ASIC2: variants seen among roughly 807,000 people sequenced by gnomAD.
ASIC2 encodes acid-sensing ion channel 2.
In ASIC2, 25 loss-of-function variants were observed where a neutral mutation model predicts 57.3. The ratio of observed to expected loss-of-function variants is 0.44; its 90% CI spans 0.32 to 0.61. The LOEUF is 0.61. ASIC2 is among the 20% of genes least tolerant of loss of function. The probability of loss-of-function intolerance (pLI) is 0.06; values close to 1 mark genes in which losing one functional copy is unlikely to be tolerated. For missense variants in ASIC2, 641 were observed against 738.1 expected (o/e 0.87, Z 1.52); for synonymous variants, 319 against 307.5 (o/e 1.04, Z -0.39).
rs564982075 is a variant in ASIC2, at chr17:33,600,381, A to G, written c.556-488314T>C. ...TTCCTAGCTTCTAGAACCATGAGCCAGAGAAATTTCTGTTTATTATAAATT... is the reference window on the plus strand; with the variant it reads ...TTCCTAGCTTCTAGAACCATGAGCCGGAGAAATTTCTGTTTATTATAAATT... On this transcript the variant is annotated intron_variant, in intron 1 of 9. Coordinates refer to the ASIC2 transcript ENST00000359872. Among the ~76,000 whole-genome samples, 16 of 152,310 alleles carry G rather than the reference A, an allele frequency of 1.1e-4. No homozygotes were observed. In the South Asian group the frequency reaches 3.3e-3, roughly 32 times the overall value.
intron 1 of ASIC2, among the ~76,000 whole-genome samples, chr17:33,681,659 C>T (rs115321477): frequency 9.2e-5 from 14 of 152,332 alleles, no homozygotes; most frequent in African/African-American, 3.4e-4. Flanking sequence ...GTTACTCACG[C>T]CGTTCCTGCT....
At position 34,083,470 on chromosome 17, in the gene ASIC2, C is replaced by A. The variant is rs536801498; in HGVS notation, c.555+72508G>T. Among the ~76,000 whole-genome samples, 213 of 151,538 alleles carry A rather than the reference C, an allele frequency of 1.4e-3. 3 individuals are homozygous for A. Among genetic ancestry groups the A allele is most frequent in the African/African-American group, 4.4e-3 (181 of 41,250 alleles). On this transcript the variant is annotated intron_variant, in intron 1 of 9. Coordinates refer to the ASIC2 transcript ENST00000359872. ...CAAGTCTTTGCTATTGTGAATAGTG[C>A]CACAATAAACATACGTGTGCATGTG...
intron 1 of ASIC2, among the ~76,000 whole-genome samples, chr17:33,461,973 G>A (rs1912652318): frequency 1.3e-5 from 2 of 152,204 alleles, no homozygotes; most frequent in African/African-American, 4.8e-5. Flanking sequence ...ACTGTGTCAG[G>A]CACTGGGGAT....
chr17:33,815,221 A>G (rs943556784), intron 1 of ASIC2, among the ~76,000 whole-genome samples: 2 of 152,208 alleles, frequency 1.3e-5, no homozygotes, highest in African/African-American at 2.4e-5. Flanking sequence ...GCCACCTCAC[A>G]TAGGCTCCGT....
At chr17:33,900,566 T>A (rs554529425) in intron 1 of ASIC2, among the ~76,000 whole-genome samples, 16 of 152,178 alleles carry the variant, frequency 1.1e-4, no homozygotes, top group Middle Eastern at 3.4e-3. Flanking sequence ...TAAAAAAAAA[T>A]TTTTTAATCT....
chr17:33,822,033 T>C (rs1701299684), intron 1 of ASIC2, among the ~76,000 whole-genome samples: 1 of 152,206 alleles, frequency 6.6e-6, no homozygotes, highest in Non-Finnish European at 1.5e-5. Context: ...GACCACTTAC[T>C]ACCTATGTGT....
intron 1 of ASIC2, among the ~76,000 whole-genome samples, chr17:33,853,068 C>T (rs185107973): frequency 1.0e-3 from 158 of 152,318 alleles, no homozygotes; most frequent in Admixed American, 4.2e-3. Flanking sequence ...GTGAGTTGTG[C>T]ACAATTTTGG....
At chr17:33,424,755 C>A (rs143519579) in intron 1 of ASIC2, among the ~76,000 whole-genome samples, 196 of 152,298 alleles carry the variant, frequency 1.3e-3, no homozygotes, top group African/African-American at 4.4e-3. Flanking sequence ...CCTGCCCTTA[C>A]TAGCCCTTCT....
chr17:33,600,698 T>G (rs896773580), intron 1 of ASIC2, among the ~76,000 whole-genome samples: 3 of 152,110 alleles, frequency 2.0e-5, no homozygotes, highest in African/African-American at 7.2e-5. Context: ...ATGCTTAGTG[T>G]TCCAATAATG....
intron 1 of ASIC2, among the ~76,000 whole-genome samples, chr17:33,979,781 C>T (rs767889578): frequency 4.6e-5 from 7 of 152,210 alleles, no homozygotes; most frequent in African/African-American, 1.7e-4. Flanking sequence ...CCTTGACCTA[C>T]AAGGTCTAAA....
At chr17:33,711,655 C>T (rs974346071) in intron 1 of ASIC2, among the ~76,000 whole-genome samples, 12 of 152,244 alleles carry the variant, frequency 7.9e-5, no homozygotes, top group East Asian at 7.7e-4. Context: ...AAAGCAAGCA[C>T]GTCTTATCAC....
intron 1 of ASIC2, among the ~76,000 whole-genome samples, chr17:34,083,291 C>A (rs911610621): frequency 3.3e-5 from 5 of 151,294 alleles, no homozygotes; most frequent in Non-Finnish European, 7.4e-5. Context: ...TTTGTTCTTG[C>A]GATAGTTTAC....
intron 1 of ASIC2, among the ~76,000 whole-genome samples, chr17:33,486,228 T>C (rs1913571326): frequency 6.6e-6 from 1 of 152,234 alleles, no homozygotes; most frequent in South Asian, 2.1e-4. Context: ...GGTAGTGTTT[T>C]CATGGCTTTG....
At chr17:33,365,470 T>C (rs900040764) in intron 1 of ASIC2, among the ~76,000 whole-genome samples, 4 of 152,178 alleles carry the variant, frequency 2.6e-5, no homozygotes, top group Non-Finnish European at 5.9e-5. Flanking sequence ...TGGATAAATC[T>C]CACTTTAGAA....
intron 1 of ASIC2, among the ~76,000 whole-genome samples, chr17:33,397,566 G>T (rs1910124343): frequency 6.6e-6 from 1 of 152,104 alleles, no homozygotes; most frequent in Non-Finnish European, 1.5e-5. Flanking sequence ...ACATGTGAGG[G>T]GAGAGAAGCT....
intron 1 of ASIC2, among the ~76,000 whole-genome samples, chr17:33,981,392 C>T (rs1456116540): frequency 6.6e-6 from 1 of 152,196 alleles, no homozygotes; most frequent in Non-Finnish European, 1.5e-5. Context: ...CCACAGTTTA[C>T]AAAAACATTG....
chr17:33,226,158 C>T (rs1430364171), intron 1 of ASIC2, among the ~76,000 whole-genome samples: 1 of 152,122 alleles, frequency 6.6e-6, no homozygotes, highest in Non-Finnish European at 1.5e-5. Flanking sequence ...TTAGAAATTG[C>T]CTAGTAACAA....
chr17:33,706,644 A>G (rs1908872818), intron 1 of ASIC2, among the ~76,000 whole-genome samples: 1 of 152,106 alleles, frequency 6.6e-6, no homozygotes, highest in African/African-American at 2.4e-5. Flanking sequence ...TGGAGTTAGT[A>G]ATTGCCTCAA....
chr17:33,652,158 C>T (rs1906939684), intron 1 of ASIC2, among the ~76,000 whole-genome samples: 1 of 152,166 alleles, frequency 6.6e-6, no homozygotes, highest in African/African-American at 2.4e-5. Context: ...GGTCCTTGGA[C>T]AATAGGATCA....
Sources: gnomAD v4.1 joint callset for allele counts (sites outside exome capture counted in the v4.1 genomes callset) on GRCh38, gnomAD v4.1.1 for gene constraint, MANE v1.5 for transcripts, NCBI Gene and HGNC (gene_info 2026-07-23, HGNC 2026-07-21) for gene names.